Variants in WRAP73 observed in about 807,000 individuals in gnomAD.
The protein encoded by WRAP73 is WD repeat containing, antisense to TP73.
In WRAP73, 55 loss-of-function variants were observed where a neutral mutation model predicts 59.6. That is an observed-to-expected ratio of 0.92 (90% CI 0.74 to 1.15). The LOEUF (loss-of-function observed/expected upper bound fraction) is 1.15. WRAP73 is among the 50% of genes most tolerant of loss of function. The pLI is 0.00. For missense variants in WRAP73, 592 were observed against 608.1 expected (o/e 0.97, Z 0.28); for synonymous variants, 265 against 258.2 (o/e 1.03, Z -0.25).
chr1:3,633,527 C>G (rs1644560437), intron 8 of WRAP73, 24 bp from the exon 9 acceptor site: 4 of 1,558,406 alleles, frequency 2.6e-6, no homozygotes, highest in Middle Eastern at 1.7e-4. Context: ...GGTGGCCACG[C>G]CCGGCTCAGG....
At chr1:3,640,923 T>A (rs1644637834) in intron 3 of WRAP73, among the ~76,000 whole-genome samples, 1 of 152,142 alleles carries the variant, frequency 6.6e-6, no homozygotes, top group African/African-American at 2.4e-5. Context: ...TGGCCGAGGC[T>A]CCCCACTCAG....
chr1:3,640,300 G>A (rs548978064), intron 3 of WRAP73, among the ~76,000 whole-genome samples: 24 of 152,390 alleles, frequency 1.6e-4, no homozygotes, highest in Non-Finnish European at 2.5e-4. Context: ...GCGAGGAAGC[G>A]TGCTACTTCC....
At chr1:3,636,321 C>T (rs1473158235) in intron 5 of WRAP73, 5 of 419,636 alleles carry the variant, frequency 1.2e-5, no homozygotes, top group South Asian at 2.3e-5. Flanking sequence ...GGCCAGCCCC[C>T]GAGGGCGGCT....
chr1:3,638,818 C>T lies in WRAP73; in HGVS notation c.344G>A (p.Arg115Gln), dbSNP rs548238349. ...HILNTTEFHL[R>Q]ITVWSLCTKS... ...TGTGCACAAGGACCAGACGGTTATC[C>T]GCAGCTGTTGGGGGAAAGGGGAAAG... Residue 115 changes from arginine (R) to glutamine (Q), a missense_variant, in exon 4 of 12, where the codon CGG becomes CAG. Coordinates refer to ENST00000270708, the MANE Select transcript of WRAP73 (RefSeq NM_017818.4). 26 of 1,614,002 alleles carry T rather than the reference C, an allele frequency of 1.6e-5. No homozygotes were observed. Among genetic ancestry groups the T allele is most frequent in the Admixed American group, 1.2e-4 (7 of 59,988 alleles).
rs1644533104 is a variant in WRAP73 at position 3,631,540 on chromosome 1, G to A, written c.1166C>T (p.Ala389Val). 6.2e-7 allele frequency: 1 copy of A among 1,610,462 alleles called. No individual in the cohort carries two copies. The change falls in exon 11 of 12, where the codon GCC becomes GTC. Residue 389 changes from alanine (A) to valine (V), a missense_variant. Transcript: ENST00000270708. ...FQWDPQQPRL[A>V]ICTGGSRLYL... ...GAGCCTGCTGCCTCCCGTGCAGATG[G>A]CCAGCCGCGGCTGCTGCGGGTCCCA...
rs1644691463 is a variant in WRAP73, at chr1:3,646,403, T to C, written c.339+263A>G. Among the ~76,000 whole-genome samples, 1 of 152,258 alleles carries C rather than the reference T, an allele frequency of 6.6e-6. No individual in the cohort carries two copies. The highest frequency in any genetic ancestry group is 1.9e-4 in the East Asian group (1 of 5,208). ...AATTATAAACAGTATATTGTTATCC[T>C]TGTTCTATACTATGATTGTTGCTAA... On this transcript the variant is annotated intron_variant, in intron 3 of 11. Transcript: ENST00000270708. The surrounding 1 kb of genome is among the most constrained non-coding windows in gnomAD (Gnocchi z 5.1).
In WRAP73 at chr1:3,650,087, C is replaced by G. The variant is rs1644727736; in HGVS notation, c.-88G>C. 2.2e-6 allele frequency: 3 copies of G among 1,370,406 alleles called. No homozygotes were observed. In the East Asian group the frequency reaches 8.4e-5, roughly 38 times the overall value. The allele number at this position is 1,370,406 out of a possible 1,614,324, so 84.9% of individuals were successfully genotyped here. On this transcript the variant is annotated 5_prime_UTR_variant, in exon 1 of 12. Coordinates refer to ENST00000270708, the MANE Select transcript of WRAP73 (RefSeq NM_017818.4). Reference sequence around the variant, plus strand: ...GCAGGCTGCAACAGCCGACGCCGGCCTCCGAGGCCGGAAGTCAGAAGGCGG... The same window carrying G: ...GCAGGCTGCAACAGCCGACGCCGGCGTCCGAGGCCGGAAGTCAGAAGGCGG...
At position 3,631,539 on chromosome 1, in the gene WRAP73, G is replaced by A; in HGVS notation, c.1167C>T (p.Ala389=). The A allele has an allele frequency of 6.2e-7, 1 of 1,610,652 alleles. No individual in the cohort carries two copies. The highest frequency in any genetic ancestry group is 8.5e-7 in the Non-Finnish European group (1 of 1,179,276). The change falls in exon 11 of 12, where the codon GCC becomes GCT. Residue 389 remains alanine (A), a synonymous_variant. Transcript: ENST00000270708. The part of the protein sequence containing the change: ...FQWDPQQPRL[A]ICTGGSRLYL... Reference sequence around the variant, plus strand: ...AGAGCCTGCTGCCTCCCGTGCAGATGGCCAGCCGCGGCTGCTGCGGGTCCC... The same window carrying A: ...AGAGCCTGCTGCCTCCCGTGCAGATAGCCAGCCGCGGCTGCTGCGGGTCCC...
chr1:3,645,702 G>A (rs1221928669), intron 3 of WRAP73, among the ~76,000 whole-genome samples: 2 of 152,226 alleles, frequency 1.3e-5, no homozygotes, highest in African/African-American at 4.8e-5. Flanking sequence ...GGACACCAAA[G>A]ACCTGGTATC....
rs1240718196 is a variant in WRAP73 at position 3,632,045 on chromosome 1, GC to G, written c.1048+167del. ...GACCTGCGGCTGCTGCAGGACAAAG[GC>G]CCAGCGCCTCCAAGGAGCTTCTGTG... On this transcript the variant is annotated intron_variant, in intron 10 of 11. Coordinates refer to ENST00000270708, the MANE Select transcript of WRAP73 (RefSeq NM_017818.4). 6 of 1,492,384 alleles carry G rather than the reference GC, an allele frequency of 4.0e-6. No individual in the cohort carries two copies. The East Asian group carries it at 1.4e-4, about 34-fold the overall frequency. 92.4% of individuals were successfully genotyped at this position (1,492,384 alleles called of 1,614,324 possible).
intron 9 of WRAP73, chr1:3,632,720 C>T (rs936781286): frequency 9.6e-6 from 3 of 313,662 alleles, no homozygotes; most frequent in African/African-American, 2.2e-5. Flanking sequence ...GCGTCAGTAC[C>T]CTTAGACTTT....
rs180855909 is a variant in WRAP73, at chr1:3,638,742, C to A, written c.412+8G>T. On this transcript the variant is annotated splice_region_variant and intron_variant, in intron 4 of 11. Transcript: ENST00000270708. Reference sequence around the variant, plus strand: ...GAAATGGCTTTTGCGTGGCTCCGATCGACTCACCCTGCAGACAAGCTTTCG... The same window carrying A: ...GAAATGGCTTTTGCGTGGCTCCGATAGACTCACCCTGCAGACAAGCTTTCG... The A allele has an allele frequency of 1.2e-6, 2 of 1,613,942 alleles. No homozygotes were observed. Among genetic ancestry groups the A allele is most frequent in the South Asian group, 1.1e-5 (1 of 91,046 alleles).
intron 9 of WRAP73, 120 bp from the exon 10 acceptor site, chr1:3,632,458 G>T (rs1473658788): frequency 6.6e-7 from 1 of 1,526,190 alleles, no homozygotes; most frequent in Non-Finnish European, 9.0e-7. Flanking sequence ...CAAAGGGGAG[G>T]AAAGTGCGGC....
Position 3,630,984 on chromosome 1 carries a change from G to GC in WRAP73, c.1373dup (p.His459ProfsTer8), listed in dbSNP as rs764629692. ...CGTTAGTGCACCGCTGCTACGTGTGGCCGCCCAGCTGTCTGCAGGCTGTGC... is the reference window on the plus strand; with the variant it reads ...CGTTAGTGCACCGCTGCTACGTGTGGCCCGCCCAGCTGTCTGCAGGCTGTGC... On this transcript the variant is annotated frameshift_variant, in exon 12 of 12. Coordinates refer to ENST00000270708, the MANE Select transcript of WRAP73 (RefSeq NM_017818.4). LOFTEE classifies it high-confidence loss of function. 15 of 1,612,594 alleles carry GC rather than the reference G, an allele frequency of 9.3e-6. No individual in the cohort carries two copies. Among genetic ancestry groups the GC allele is most frequent in the Non-Finnish European group, 1.3e-5 (15 of 1,179,846 alleles).
In WRAP73 at chr1:3,649,964, T is replaced by G; in HGVS notation, c.36A>C (p.Leu12Phe). The change falls in exon 1 of 12, where the codon TTA becomes TTC. Residue 12 changes from leucine to phenylalanine, a missense_variant. Leu to Phe is a conservative substitution (Grantham distance 22, BLOSUM62 0). Transcript: ENST00000270708. ...NFSEVFKLSS[L>F]LCKFSPDGKY... ...TGCCGTCCGGGGAGAACTTGCAGAG[T>G]AAGCTGGAGAGCTTGAATACCTCGG... 4 of 1,603,430 alleles carry G rather than the reference T, an allele frequency of 2.5e-6. No homozygotes were observed. Among genetic ancestry groups the G allele is most frequent in the Non-Finnish European group, 3.4e-6 (4 of 1,176,342 alleles).
At chr1:3,634,943 C>T in intron 8 of WRAP73, 54 bp downstream of exon 8, 1 of 1,593,602 alleles carries the variant, frequency 6.3e-7, no homozygotes, top group Non-Finnish European at 8.6e-7. Context: ...GGAGCAGTTT[C>T]CCACCGCCCT....
In WRAP73 at chr1:3,633,503, C is replaced by T; in HGVS notation, c.817G>A (p.Val273Met). The change falls in exon 9 of 12, where the codon GTG becomes ATG. Residue 273 changes from valine to methionine, a missense_variant and splice_region_variant. Physicochemically the swap from Val to Met is conservative, Grantham distance 21. Coordinates refer to ENST00000270708, the MANE Select transcript of WRAP73 (RefSeq NM_017818.4). ...CTCTTCTCGGCCTCCTTATACACCA[C>T]CTGAAAGACACAAGGTGGCCACGCC... ...HPAAINDPKI[V>M]VYKEAEKSPQ... 1 of 1,589,840 alleles carries T rather than the reference C, an allele frequency of 6.3e-7. No individual in the cohort carries two copies. The highest frequency in any genetic ancestry group is 1.1e-5 in the South Asian group (1 of 87,664).
intron 8 of WRAP73, 98 bp from the exon 9 acceptor site, chr1:3,633,601 G>A (rs1455208493): frequency 1.1e-5 from 10 of 934,242 alleles, no homozygotes; most frequent in South Asian, 1.8e-5. Flanking sequence ...GTCAACAGGT[G>A]TGCCTGCCAT....
chr1:3,640,563 G>C (rs78970192), intron 3 of WRAP73, among the ~76,000 whole-genome samples: 11 of 32,964 alleles, frequency 3.3e-4, no homozygotes, highest in African/African-American at 5.1e-4. Context: ...TGCAGCGCCC[G>C]AGGCTCTGAG....
Sources: allele counts gnomAD v4.1 joint callset (sites outside exome capture counted in the v4.1 genomes callset), GRCh38; gene constraint gnomAD v4.1.1; non-coding constraint Gnocchi (gnomAD v3.1); transcripts MANE v1.5; gene names NCBI Gene and HGNC (gene_info 2026-07-23, HGNC 2026-07-21).